SMAGP: variants seen among roughly 807,000 people sequenced by gnomAD.
The protein encoded by SMAGP is small cell adhesion glycoprotein, also known as small cell transmembrane and glycosylated protein.
Under a neutral mutation model 10.1 loss-of-function variants are expected in SMAGP, and 7 were observed. That is an observed-to-expected ratio of 0.70 (90% CI 0.40 to 1.31). The LOEUF is 1.31. Ranked by LOEUF, SMAGP falls within the 50% of genes most tolerant of loss-of-function variation. The pLI, the probability that SMAGP is intolerant of heterozygous loss-of-function variation, is 0.01. For synonymous variants in SMAGP, 49 were observed against 47.2 expected, an observed-to-expected ratio of 1.04 and a Z score of -0.16; for missense variants, 113 against 116.5, an observed-to-expected ratio of 0.97 and a Z score of 0.14.
rs375630152 is a variant in SMAGP, at chr12:51,246,109, G to A, written c.126C>T (p.Thr42=). 8.1e-6 allele frequency: 13 copies of A among 1,613,808 alleles called. No individual in the cohort carries two copies. The highest frequency in any genetic ancestry group is 1.7e-5 in the Admixed American group (1 of 59,988). ...CCGAGAGCAGGGTGAGGAAGACAAC[G>A]GTGATAACAACTTGGAAAGGAGAGG... The part of the protein sequence containing the change: ...ASTALIAVVI[T]VVFLTLLSVV... The change falls in exon 4 of 4, where the codon ACC becomes ACT. Residue 42 remains threonine (T), a synonymous_variant. Coordinates refer to ENST00000603798, the MANE Select transcript of SMAGP (RefSeq NM_001031628.2).
In SMAGP at chr12:51,256,175, T is replaced by C. The variant is rs551307662; in HGVS notation, c.35-9344A>G. On this transcript the variant is annotated intron_variant, in intron 2 of 3. Transcript: ENST00000603798. ...TGAAGCAAAGACGGACAGGATTGGA[T>C]GTGGGGTGGAGTCAAGGGTGAAGGC... 2.6e-5 allele frequency among the ~76,000 whole-genome samples: 4 copies of C among 152,116 alleles called. No homozygotes were observed. In the South Asian group the frequency reaches 8.3e-4, roughly 32 times the overall value.
chr12:51,258,955 T>A (rs965199695), intron 2 of SMAGP, among the ~76,000 whole-genome samples: 4 of 121,652 alleles, frequency 3.3e-5, no homozygotes, highest in African/African-American at 1.3e-4. Context: ...AAAGCCAGCC[T>A]GGGCAACATG....
intron 2 of SMAGP, among the ~76,000 whole-genome samples, chr12:51,248,900 CAAA>C (rs545881552): frequency 0.055 from 5,206 of 93,902 alleles, 55 homozygotes; most frequent in East Asian, 0.13. Flanking sequence ...AAAAATACCA[CAAA>C]AAAAAAAAAA....
chr12:51,258,482 A>G (rs768885939), intron 2 of SMAGP, among the ~76,000 whole-genome samples: 49 of 103,830 alleles, frequency 4.7e-4, no homozygotes, highest in Admixed American at 2.9e-3. Context: ...CCCAGCTACT[A>G]CTGGGAGGCT....
At chr12:51,264,943 A>C (rs991714714) in intron 2 of SMAGP, among the ~76,000 whole-genome samples, 2 of 151,700 alleles carry the variant, frequency 1.3e-5, no homozygotes, top group South Asian at 2.1e-4. Context: ...AGAAAAAAAA[A>C]AAAAAAAAGA....
chr12:51,246,954 CTA>C, intron 2 of SMAGP, 123 bp from the exon 3 acceptor site: 1 of 578,464 alleles, frequency 1.7e-6, no homozygotes, highest in Non-Finnish European at 2.9e-6. Context: ...CATTTAACTC[CTA>C]GAGTATATCC....
chr12:51,251,834 A>AG (rs1944841464), intron 2 of SMAGP, among the ~76,000 whole-genome samples: 1 of 152,138 alleles, frequency 6.6e-6, no homozygotes. Flanking sequence ...GAACCAAAAG[A>AG]GGTTCAGAGG....
chr12:51,257,635 C>T (rs1421298959), intron 2 of SMAGP, among the ~76,000 whole-genome samples: 1 of 152,034 alleles, frequency 6.6e-6, no homozygotes, highest in Non-Finnish European at 1.5e-5. Context: ...ACCTCCTCCT[C>T]CCAGGTTATA....
Position 51,244,820 on chromosome 12 carries a change from CTTTTTTT to C in SMAGP, c.*1114_*1120del. 1.1e-5 allele frequency: 1 copy of C among 91,498 alleles called. No homozygotes were observed. The highest frequency in any genetic ancestry group is 2.0e-5 in the Non-Finnish European group (1 of 50,168). The allele number at this position is 91,498 out of a possible 1,614,324, so 5.7% of individuals were successfully genotyped here. A position where few individuals can be genotyped will look rare whatever the true frequency, so the allele number is the denominator to read the frequency against. Reference sequence around the variant, plus strand: ...TTGAACCAACTCATCTCCCAGGGTACTTTTTTTTTTTTTTTTTTTTTTGAGACGGAGT... The same window carrying C: ...TTGAACCAACTCATCTCCCAGGGTACTTTTTTTTTTTTTTTGAGACGGAGT... On this transcript the variant is annotated 3_prime_UTR_variant, in exon 4 of 4. Coordinates refer to ENST00000603798, the MANE Select transcript of SMAGP (RefSeq NM_001031628.2).
At position 51,246,811 on chromosome 12, in the gene SMAGP, T is replaced by C. The variant is rs571966168; in HGVS notation, c.55A>G (p.Ile19Val). The C allele has an allele frequency of 5.7e-6, 9 of 1,581,904 alleles. No individual in the cohort carries two copies. The East Asian group carries it at 9.2e-5, about 16-fold the overall frequency. Residue 19 changes from isoleucine (I) to valine (V), a missense_variant, in exon 3 of 4, where the codon ATT becomes GTT. By Grantham distance (29) the Ile-to-Val change is conservative (BLOSUM62 3). Coordinates refer to ENST00000603798, the MANE Select transcript of SMAGP (RefSeq NM_001031628.2). The stretch of plus-strand genomic sequence containing the variant: ...GACAGGGCCTCAGTGGGCTGTAAAA[T>C]TGGGGTGGTCATCAGTTCTTCTGGA... The part of the protein sequence containing the change: ...SPREELMTTP[I>V]LQPTEALSPE...
chr12:51,261,092 ATTTTT>A (rs34540958), intron 2 of SMAGP, among the ~76,000 whole-genome samples: 2 of 110,778 alleles, frequency 1.8e-5, no homozygotes, highest in African/African-American at 3.6e-5. Flanking sequence ...CCCAGCCTTA[ATTTTT>A]TTTTTTTTTT....
chr12:51,269,102 G>C, intron 2 of SMAGP, 143 bp downstream of exon 2: 4 of 825,782 alleles, frequency 4.8e-6, no homozygotes, highest in Non-Finnish European at 8.1e-6. Flanking sequence ...TCTAGTTCCT[G>C]CTTCCTCCCA....
At chr12:51,252,540 T>C (rs1172540195) in intron 2 of SMAGP, among the ~76,000 whole-genome samples, 2 of 152,050 alleles carry the variant, frequency 1.3e-5, no homozygotes, top group African/African-American at 2.4e-5. Flanking sequence ...TACAGGCATG[T>C]GCCACCACAC....
intron 2 of SMAGP, among the ~76,000 whole-genome samples, chr12:51,248,622 A>T (rs1339043744): frequency 1.3e-5 from 2 of 152,148 alleles, no homozygotes; most frequent in African/African-American, 2.4e-5. Context: ...GCCCCAAGGC[A>T]GGACTCTAAT....
chr12:51,257,648 G>T (rs1460385238), intron 2 of SMAGP, among the ~76,000 whole-genome samples: 1 of 151,948 alleles, frequency 6.6e-6, no homozygotes, highest in Non-Finnish European at 1.5e-5. Flanking sequence ...AGGTTATAAT[G>T]ATTCTCTTGC....
chr12:51,270,251 C>T lies in SMAGP; in HGVS notation c.-39+5G>A, dbSNP rs914533727. 3.9e-5 allele frequency: 6 copies of T among 153,614 alleles called. No individual in the cohort carries two copies. The highest frequency in any genetic ancestry group is 1.4e-4 in the African/African-American group (6 of 41,546). The allele number at this position is 153,614 out of a possible 1,614,324, so 9.5% of individuals were successfully genotyped here. The stretch of plus-strand genomic sequence containing the variant: ...CCGGCGCCCCCGCCCTTCCCTCGTG[C>T]TCACCTTTCCAGTCGGACGGGCTGC... On this transcript the variant is annotated splice_donor_5th_base_variant and intron_variant, in intron 1 of 3. Coordinates refer to ENST00000603798, the MANE Select transcript of SMAGP (RefSeq NM_001031628.2).
rs1456234283 is a variant in SMAGP at position 51,245,648 on chromosome 12, A to C, written c.*293T>G. On this transcript the variant is annotated 3_prime_UTR_variant, in exon 4 of 4. Transcript: ENST00000603798. Reference sequence around the variant, plus strand: ...TTTCTCTCCCTTCAACCTGTGAAAAAAGATGACTGGGCACATACTCAGATG... The same window carrying C: ...TTTCTCTCCCTTCAACCTGTGAAAACAGATGACTGGGCACATACTCAGATG... 3.0e-6 allele frequency: 1 copy of C among 331,862 alleles called. No individual in the cohort carries two copies. The highest frequency in any genetic ancestry group is 5.6e-6 in the Non-Finnish European group (1 of 177,470). The allele number at this position is 331,862 out of a possible 1,614,324, so 20.6% of individuals were successfully genotyped here.
chr12:51,253,039 G>A (rs907461585), intron 2 of SMAGP, among the ~76,000 whole-genome samples: 30 of 152,280 alleles, frequency 2.0e-4, no homozygotes, highest in African/African-American at 7.2e-4. Flanking sequence ...ACCTGAAGGG[G>A]CCATGGAAGG....
intron 2 of SMAGP, among the ~76,000 whole-genome samples, chr12:51,263,741 C>T (rs1944949257): frequency 6.6e-6 from 1 of 152,236 alleles, no homozygotes; most frequent in African/African-American, 2.4e-5. Context: ...CAGTTCCACT[C>T]TGCCCTACTT....
Sources: gnomAD v4.1 joint callset for allele counts (sites outside exome capture counted in the v4.1 genomes callset) on GRCh38, gnomAD v4.1.1 for gene constraint, MANE v1.5 for transcripts, NCBI Gene and HGNC (gene_info 2026-07-23, HGNC 2026-07-21) for gene names.